Variants in CRACR2A observed in about 807,000 individuals in gnomAD.
CRACR2A encodes the protein EF-hand calcium-binding domain-containing protein 4B.
Under a neutral mutation model 90.5 loss-of-function variants are expected in CRACR2A, and 79 were observed. That is an observed-to-expected ratio of 0.87 (90% CI 0.73 to 1.05). The LOEUF (loss-of-function observed/expected upper bound fraction) is 1.05. Ranked by LOEUF, CRACR2A falls within the 50% of genes least tolerant of loss-of-function variation. The probability of loss-of-function intolerance (pLI) is 0.00; values close to 1 mark genes in which losing one functional copy is unlikely to be tolerated. For missense variants in CRACR2A, 823 were observed against 897.2 expected, an observed-to-expected ratio of 0.92 and a Z score of 1.06; for synonymous variants, 338 against 356.7, an observed-to-expected ratio of 0.95 and a Z score of 0.59.
intron 7 of CRACR2A, among the ~76,000 whole-genome samples, chr12:3,667,837 G>A (rs756706798): frequency 4.6e-5 from 7 of 152,150 alleles, no homozygotes; most frequent in South Asian, 2.1e-4. Context: ...TCACACACAC[G>A]TGGGCGCATG....
intron 1 of CRACR2A, among the ~76,000 whole-genome samples, chr12:3,741,363 A>C (rs1035691445): frequency 3.3e-5 from 5 of 152,336 alleles, no homozygotes; most frequent in Middle Eastern, 3.4e-3. Context: ...GATAAAAAAC[A>C]CTGATGACTG....
chr12:3,645,476 T>G (rs942328157), intron 11 of CRACR2A, among the ~76,000 whole-genome samples: 3 of 152,104 alleles, frequency 2.0e-5, no homozygotes, highest in African/African-American at 7.2e-5. Flanking sequence ...CTTTGATTTT[T>G]ACTCCAAATG....
In CRACR2A at chr12:3,627,525, A is replaced by G. The variant is rs1212827578; in HGVS notation, c.1843T>C (p.Phe615Leu). 3.9e-6 allele frequency: 6 copies of G among 1,551,658 alleles called. No homozygotes were observed. The highest frequency in any genetic ancestry group is 5.2e-6 in the Non-Finnish European group (6 of 1,147,008). ...ACGATGACACCATCTGCCTTTCTGA[A>G]GAACTGCTGGGTGATGCACCGGTAC... ...ERYRCITQQF[F>L]RKADGVIVMY... The change falls in exon 17 of 20, where the codon TTC (phenylalanine) becomes CTC (leucine). Residue 615 changes from phenylalanine (F) to leucine (L), a missense_variant. Transcript: ENST00000440314.
chr12:3,663,979 A>G (rs951047650), intron 7 of CRACR2A, among the ~76,000 whole-genome samples: 5 of 152,160 alleles, frequency 3.3e-5, no homozygotes, highest in African/African-American at 1.2e-4. Flanking sequence ...TGTGTTTGCT[A>G]TTTCTAGTCC....
In CRACR2A at chr12:3,638,122, A is replaced by G. The variant is rs755016204; in HGVS notation, c.1602+2T>C. On this transcript the variant is annotated splice_donor_variant, in intron 14 of 19. Transcript: ENST00000440314. LOFTEE classifies it high-confidence loss of function. ...ATGAACCAAGGTAGGCTGTGCCCTT[A>G]CCTTACACAGGGCTTCTTTTCCAAC... 3.1e-5 allele frequency: 47 copies of G among 1,540,806 alleles called. No homozygotes were observed. In the South Asian group the frequency reaches 5.6e-4, roughly 18 times the overall value.
intron 7 of CRACR2A, among the ~76,000 whole-genome samples, chr12:3,671,161 G>C (rs1234779203): frequency 6.6e-6 from 1 of 152,178 alleles, no homozygotes; most frequent in East Asian, 1.9e-4. Flanking sequence ...CAGAAATGCA[G>C]GCCAGCAGAG....
intron 2 of CRACR2A, among the ~76,000 whole-genome samples, chr12:3,722,937 C>T (rs1052169227): frequency 1.3e-5 from 2 of 152,236 alleles, no homozygotes; most frequent in African/African-American, 2.4e-5. Context: ...TTTCCTTACC[C>T]TCTCTGAGCC....
At chr12:3,644,544 G>A (rs897829428) in intron 12 of CRACR2A, 51 bp downstream of exon 12, 43 of 1,530,078 alleles carry the variant, frequency 2.8e-5, no homozygotes, top group Non-Finnish European at 3.7e-5. Flanking sequence ...TGGCTGTCCA[G>A]TGGACCACAG....
intron 14 of CRACR2A, among the ~76,000 whole-genome samples, chr12:3,637,923 A>G (rs896384935): frequency 6.6e-6 from 1 of 152,216 alleles, no homozygotes; most frequent in Non-Finnish European, 1.5e-5. Flanking sequence ...AGGTCTAAGG[A>G]GAATTTATCA....
chr12:3,672,086 CTA>C (rs1440386241), intron 7 of CRACR2A, among the ~76,000 whole-genome samples: 1 of 152,236 alleles, frequency 6.6e-6, no homozygotes, highest in Non-Finnish European at 1.5e-5. Context: ...TCCAGCCAAA[CTA>C]TGTTTCCTCC....
intron 3 of CRACR2A, among the ~76,000 whole-genome samples, chr12:3,704,213 A>C (rs1432734936): frequency 1.3e-5 from 2 of 152,258 alleles, no homozygotes; most frequent in African/African-American, 4.8e-5. Flanking sequence ...TGCCATTCTT[A>C]ATTAAAGGGA....
chr12:3,691,780 C>T (rs1945653852), intron 4 of CRACR2A, among the ~76,000 whole-genome samples: 1 of 152,236 alleles, frequency 6.6e-6, no homozygotes, highest in Admixed American at 6.5e-5. Flanking sequence ...TTCAGGGACA[C>T]CAGTAAGTCA....
At chr12:3,636,773 T>A (rs1944461169) in intron 14 of CRACR2A, among the ~76,000 whole-genome samples, 2 of 152,180 alleles carry the variant, frequency 1.3e-5, no homozygotes, top group Non-Finnish European at 2.9e-5. Context: ...AGCTCTCCAC[T>A]CTCCCCTGCA....
At chr12:3,687,367 C>T (rs1168888928) in intron 4 of CRACR2A, among the ~76,000 whole-genome samples, 1 of 152,064 alleles carries the variant, frequency 6.6e-6, no homozygotes, top group African/African-American at 2.4e-5. Context: ...TCCAACCAGC[C>T]CCAGTGTGTG....
intron 1 of CRACR2A, among the ~76,000 whole-genome samples, chr12:3,745,827 A>AAATAAAATAAC (rs1555123198): frequency 2.1e-5 from 3 of 145,268 alleles, no homozygotes; most frequent in Non-Finnish European, 4.6e-5. Flanking sequence ...AAATAAAATA[A>AAATAAAATAAC]AGAAAGAAAA....
At position 3,708,585 on chromosome 12, in the gene CRACR2A, C is replaced by T. The variant is rs184637612; in HGVS notation, c.-37+4652G>A. On this transcript the variant is annotated intron_variant, in intron 3 of 19. Transcript: ENST00000440314. ...GACTACAGGTGCCCGCCACCACGCC[C>T]GGCTAATTTTTTGTATTTTTTAGTA... Among the ~76,000 whole-genome samples the T allele has an allele frequency of 8.2e-3, 1,250 of 152,188 alleles. 15 individuals carry two copies. The highest frequency in any genetic ancestry group is 0.028 in the African/African-American group (1,170 of 41,528).
chr12:3,664,394 T>C (rs1945090801), intron 7 of CRACR2A, among the ~76,000 whole-genome samples: 1 of 152,228 alleles, frequency 6.6e-6, no homozygotes, highest in Admixed American at 6.5e-5. Flanking sequence ...GCCTGACTAA[T>C]GTGTCAAATC....
intron 4 of CRACR2A, among the ~76,000 whole-genome samples, 190 bp from the exon 5 acceptor site, chr12:3,680,539 T>C (rs925753053): frequency 1.3e-5 from 2 of 152,234 alleles, no homozygotes; most frequent in African/African-American, 4.8e-5. Flanking sequence ...CAACTACCAT[T>C]GATTGGGTGC....
At chr12:3,656,464 A>AC (rs1944910829) in intron 8 of CRACR2A, 58 bp from the exon 9 acceptor site, 3 of 1,496,814 alleles carry the variant, frequency 2.0e-6, no homozygotes, top group Non-Finnish European at 2.8e-6. Flanking sequence ...CGGGTTATAG[A>AC]TTTTTTTTTT....
Sources: allele counts gnomAD v4.1 joint callset (sites outside exome capture counted in the v4.1 genomes callset), GRCh38; gene constraint gnomAD v4.1.1; transcripts MANE v1.5; gene names NCBI Gene and HGNC (gene_info 2026-07-23, HGNC 2026-07-21).